The following PAFAH2 variants were observed in gnomAD, a reference collection of about 807,000 sequenced individuals.
PAFAH2 encodes the protein platelet activating factor acetylhydrolase 2.
PAFAH2 carries 42 observed loss-of-function variants against 49.0 expected under a neutral mutation model. The ratio of observed to expected loss-of-function variants is 0.86; its 90% CI spans 0.67 to 1.11. The LOEUF is 1.11. Ranked by LOEUF, PAFAH2 falls within the 50% of genes least tolerant of loss-of-function variation. The pLI is 0.00. For synonymous variants in PAFAH2, 184 were observed against 181.3 expected, an observed-to-expected ratio of 1.01 and a Z score of -0.12; for missense variants, 503 against 501.8, an observed-to-expected ratio of 1.00 and a Z score of -0.02.
chr1:25,980,030 A>G (rs1040641179), intron 7 of PAFAH2, among the ~76,000 whole-genome samples: 7 of 152,210 alleles, frequency 4.6e-5, no homozygotes, highest in Admixed American at 4.6e-4. Context: ...TCTAGATTCC[A>G]GGGTCTGCCT....
chr1:25,996,109 A>G (rs2124376246), intron 1 of PAFAH2, among the ~76,000 whole-genome samples: 1 of 152,252 alleles, frequency 6.6e-6, no homozygotes, highest in East Asian at 1.9e-4. Context: ...TAATCCCAGA[A>G]CTTTGGGAGA....
At chr1:25,976,128 C>T (rs2049584650) in intron 8 of PAFAH2, among the ~76,000 whole-genome samples, 1 of 152,134 alleles carries the variant, frequency 6.6e-6, no homozygotes. Flanking sequence ...TTCTCAGAGA[C>T]ATATCAGCCT....
chr1:25,971,541 G>A lies in PAFAH2; in HGVS notation c.1084+1017C>T, dbSNP rs555738519. Reference sequence around the variant, plus strand: ...CAGAGCAGAAAAAAAAATGCATAACGGAACAAAGAAAAAGAGATGTCGTGA... The same window carrying A: ...CAGAGCAGAAAAAAAAATGCATAACAGAACAAAGAAAAAGAGATGTCGTGA... On this transcript the variant is annotated intron_variant, in intron 10 of 10. Coordinates refer to ENST00000374282, the MANE Select transcript of PAFAH2 (RefSeq NM_000437.4). Among the ~76,000 whole-genome samples the A allele has an allele frequency of 4.6e-5, 7 of 152,168 alleles. No individual in the cohort carries two copies. In the East Asian group the frequency reaches 7.7e-4, roughly 17 times the overall value.
intron 10 of PAFAH2, among the ~76,000 whole-genome samples, chr1:25,966,866 C>A (rs1268424227): frequency 6.6e-6 from 1 of 151,926 alleles, no homozygotes; most frequent in Non-Finnish European, 1.5e-5. Flanking sequence ...TCCATCTCTA[C>A]TAAAAATACA....
chr1:25,996,590 C>T (rs11247840), intron 1 of PAFAH2, among the ~76,000 whole-genome samples: 1 of 151,854 alleles, frequency 6.6e-6, no homozygotes, highest in African/African-American at 2.4e-5. Flanking sequence ...TGCAGTGAGC[C>T]GAGATCGCGC....
At position 25,992,783 on chromosome 1, in the gene PAFAH2, C is replaced by T. The variant is rs542559393; in HGVS notation, c.-47-1920G>A. 2.6e-5 allele frequency among the ~76,000 whole-genome samples: 4 copies of T among 152,300 alleles called. No individual in the cohort carries two copies. In the East Asian group the frequency reaches 5.8e-4, roughly 22 times the overall value. Reference sequence around the variant, plus strand: ...GTGGGGCTGACCCCTCCTTAACCTCCGGAGTTGAGCCTTAATTAACCGGAG... The same window carrying T: ...GTGGGGCTGACCCCTCCTTAACCTCTGGAGTTGAGCCTTAATTAACCGGAG... On this transcript the variant is annotated intron_variant, in intron 1 of 10. Transcript: ENST00000374282.
At chr1:25,989,368 G>A in intron 3 of PAFAH2, 80 bp downstream of exon 3, 2 of 1,354,422 alleles carry the variant, frequency 1.5e-6, no homozygotes, top group East Asian at 2.5e-5. Flanking sequence ...CAGGCTATAA[G>A]GTACTGCGTC....
At chr1:25,970,900 A>G (rs918786029) in intron 10 of PAFAH2, among the ~76,000 whole-genome samples, 1 of 152,042 alleles carries the variant, frequency 6.6e-6, no homozygotes, top group African/African-American at 2.4e-5. Flanking sequence ...AGGGCACTAC[A>G]CTTTAGAAGG....
At chr1:25,989,177 A>G (rs963232968) in intron 3 of PAFAH2, among the ~76,000 whole-genome samples, 1 of 152,210 alleles carries the variant, frequency 6.6e-6, no homozygotes, top group African/African-American at 2.4e-5. Flanking sequence ...CAAACCCCCA[A>G]AGACATGTAT....
chr1:25,967,269 A>T (rs1358201009), intron 10 of PAFAH2, among the ~76,000 whole-genome samples: 1 of 152,188 alleles, frequency 6.6e-6, no homozygotes, highest in African/African-American at 2.4e-5. Context: ...CTTTGACCTG[A>T]GTAACTAGAA....
At chr1:25,972,537 G>T (rs752770063) in intron 10 of PAFAH2, 21 bp downstream of exon 10, 26 of 1,606,110 alleles carry the variant, frequency 1.6e-5, no homozygotes, top group Non-Finnish European at 2.1e-5. Flanking sequence ...GCTGCCCCAA[G>T]AGCCCCAGTT....
intron 7 of PAFAH2, among the ~76,000 whole-genome samples, chr1:25,979,242 T>A (rs1441283572): frequency 6.6e-6 from 1 of 152,198 alleles, no homozygotes; most frequent in Admixed American, 6.5e-5. Flanking sequence ...TTAGCTTTTT[T>A]AATATGCTGT....
Position 25,963,436 on chromosome 1 carries a change from C to T in PAFAH2, c.1085-1353G>A, listed in dbSNP as rs544367682. 2.0e-3 allele frequency among the ~76,000 whole-genome samples: 301 copies of T among 152,054 alleles called. 2 individuals are homozygous for T. The highest frequency in any genetic ancestry group is 3.2e-3 in the Non-Finnish European group (220 of 67,974). ...GGTGCCATGGAAAAAAAATAGAGCC[C>T]GTTAAGGGAAGCACTGGTGGTGGCC... On this transcript the variant is annotated intron_variant, in intron 10 of 10. Coordinates refer to ENST00000374282, the MANE Select transcript of PAFAH2 (RefSeq NM_000437.4).
At position 25,990,811 on chromosome 1, in the gene PAFAH2, C is replaced by A. The variant is rs773804320; in HGVS notation, c.6G>T (p.Gly2=). 3.7e-6 allele frequency: 6 copies of A among 1,613,666 alleles called. No individual in the cohort carries two copies. The highest frequency in any genetic ancestry group is 5.1e-6 in the Non-Finnish European group (6 of 1,179,760). Residue 2 remains glycine (G), a synonymous_variant, in exon 2 of 11, where the codon GGG becomes GGT. Transcript: ENST00000374282. M[G]VNQSVGFPPV... ...GTGGAAAGCCCACAGACTGGTTGAC[C>A]CCCATTTCATCACCGGGTGAATCAA...
At chr1:25,968,992 C>G (rs1329596292) in intron 10 of PAFAH2, among the ~76,000 whole-genome samples, 2 of 152,186 alleles carry the variant, frequency 1.3e-5, no homozygotes, top group South Asian at 4.1e-4. Flanking sequence ...CCACAATGCA[C>G]CAGACTGTGA....
intron 10 of PAFAH2, among the ~76,000 whole-genome samples, chr1:25,966,307 C>T (rs2049421518): frequency 6.6e-6 from 1 of 152,176 alleles, no homozygotes; most frequent in Admixed American, 6.5e-5. Context: ...ACCAGAAAGA[C>T]ACCTGCACAC....
At chr1:25,979,326 T>G (rs949783355) in intron 7 of PAFAH2, among the ~76,000 whole-genome samples, 18 of 151,952 alleles carry the variant, frequency 1.2e-4, no homozygotes, top group Admixed American at 9.8e-4. Flanking sequence ...TGCCTTTTTT[T>G]TTTTTTTTTG....
At chr1:25,989,426 C>A in intron 3 of PAFAH2, 22 bp downstream of exon 3, 2 of 1,546,042 alleles carry the variant, frequency 1.3e-6, no homozygotes, top group Non-Finnish European at 8.7e-7. Context: ...GGAAAGCATG[C>A]AGAGGTCAGG....
At position 25,982,522 on chromosome 1, in the gene PAFAH2, G is replaced by C. The variant is rs530935965; in HGVS notation, c.553-45C>G. On this transcript the variant is annotated intron_variant, in intron 6 of 10. Transcript: ENST00000374282. The stretch of plus-strand genomic sequence containing the variant: ...AGTGGGACTGGAACACTCCACAACT[G>C]TCCAGCGAGAATCTCCCTCACGTAC... The C allele has an allele frequency of 7.1e-4, 1,007 of 1,412,730 alleles. 11 individuals are homozygous for C. The South Asian group carries it at 0.011, about 16-fold the overall frequency. The allele number at this position is 1,412,730 out of a possible 1,614,324, so 87.5% of individuals were successfully genotyped here.
Sources: gnomAD v4.1 joint callset for allele counts (sites outside exome capture counted in the v4.1 genomes callset) on GRCh38, gnomAD v4.1.1 for gene constraint, MANE v1.5 for transcripts, NCBI Gene and HGNC (gene_info 2026-07-23, HGNC 2026-07-21) for gene names.